LTBP1: variants seen among roughly 807,000 people sequenced by gnomAD.
LTBP1 encodes latent-transforming growth factor beta-binding protein 1.
LTBP1 carries 129 observed loss-of-function variants against 207.6 expected under a neutral mutation model. That is an observed-to-expected ratio of 0.62 (90% CI 0.54 to 0.72). The LOEUF is 0.72. Ranked by LOEUF, LTBP1 falls within the 30% of genes least tolerant of loss-of-function variation. LTBP1 has a pLI of 0.00. For synonymous variants in LTBP1, 963 were observed against 833.7 expected, an observed-to-expected ratio of 1.16 and a Z score of -2.67; for missense variants, 2,281 against 2,217.2, an observed-to-expected ratio of 1.03 and a Z score of -0.58.
intron 2 of LTBP1, among the ~76,000 whole-genome samples, chr2:32,967,584 T>C (rs986383285): frequency 1.3e-5 from 2 of 152,224 alleles, no homozygotes; most frequent in Non-Finnish European, 2.9e-5. Flanking sequence ...ACCTATGCTT[T>C]GTTTAGAATT....
chr2:33,103,471 A>G (rs1346158664), intron 3 of LTBP1, among the ~76,000 whole-genome samples: 1 of 152,118 alleles, frequency 6.6e-6, no homozygotes, highest in African/African-American at 2.4e-5. Context: ...CATTGTCTGC[A>G]TGTGCTTCCC....
intron 21 of LTBP1, 37 bp downstream of exon 21, chr2:33,300,610 C>T: frequency 6.3e-7 from 1 of 1,590,496 alleles, no homozygotes; most frequent in Non-Finnish European, 8.6e-7. Flanking sequence ...GAAACTTCAG[C>T]TTAAAGCACC....
At chr2:33,189,172 T>C (rs2087553448) in intron 7 of LTBP1, among the ~76,000 whole-genome samples, 2 of 142,948 alleles carry the variant, frequency 1.4e-5, no homozygotes, top group Admixed American at 7.3e-5. Context: ...ACAGAATACA[T>C]TTATTTATTT....
At chr2:32,947,875 G>C in intron 1 of LTBP1, 57 bp downstream of exon 1, 2 of 1,260,832 alleles carry the variant, frequency 1.6e-6, no homozygotes, top group African/African-American at 3.1e-5. Context: ...GCCCGCGGAG[G>C]GACCTGCGGG....
At chr2:33,293,995 C>CTTTTTTTTTTTTTTT (rs71409607) in intron 20 of LTBP1, among the ~76,000 whole-genome samples, 1 of 48,808 alleles carries the variant, frequency 2.0e-5, no homozygotes, top group African/African-American at 8.7e-5. Context: ...TGGTACAGGT[C>CTTTTTTTTTTTTTTT]TTTTTTTTTT....
At chr2:33,165,120 G>C (rs1390053120) in intron 5 of LTBP1, among the ~76,000 whole-genome samples, 1 of 152,160 alleles carries the variant, frequency 6.6e-6, no homozygotes, top group African/African-American at 2.4e-5. Flanking sequence ...TAAATGGAGA[G>C]TCATAGAAAA....
At chr2:33,240,841 G>T (rs568594535) in intron 9 of LTBP1, among the ~76,000 whole-genome samples, 15 of 151,718 alleles carry the variant, frequency 9.9e-5, no homozygotes, top group African/African-American at 3.4e-4. Context: ...TAGTAGAGAC[G>T]GGGTTTCACT....
intron 2 of LTBP1, among the ~76,000 whole-genome samples, chr2:32,985,394 A>C (rs1311348123): frequency 6.6e-6 from 1 of 152,162 alleles, no homozygotes; most frequent in Non-Finnish European, 1.5e-5. Context: ...GAGGAAACTG[A>C]GGTTTAGAGA....
chr2:33,175,463 C>T (rs1046972693), intron 5 of LTBP1, among the ~76,000 whole-genome samples: 1 of 152,082 alleles, frequency 6.6e-6, no homozygotes, highest in East Asian at 1.9e-4. Context: ...GATACCATCT[C>T]ACACCAGTTA....
chr2:33,303,106 T>C (rs1007690304), intron 22 of LTBP1, among the ~76,000 whole-genome samples: 3 of 151,988 alleles, frequency 2.0e-5, no homozygotes, highest in Admixed American at 6.6e-5. Context: ...TATGGGTAAA[T>C]GATAATGATT....
intron 3 of LTBP1, among the ~76,000 whole-genome samples, chr2:33,060,392 T>C (rs1483996404): frequency 6.6e-6 from 1 of 152,154 alleles, no homozygotes; most frequent in Non-Finnish European, 1.5e-5. Flanking sequence ...GCATTCAAGG[T>C]AAGTTTCTTT....
chr2:33,073,545 C>T (rs993490628), intron 3 of LTBP1, among the ~76,000 whole-genome samples: 10 of 152,052 alleles, frequency 6.6e-5, no homozygotes, highest in African/African-American at 1.9e-4. Flanking sequence ...CTTTCTTCTT[C>T]CCTTTTTAAC....
intron 4 of LTBP1, among the ~76,000 whole-genome samples, chr2:33,124,193 C>T (rs1055621847): frequency 5.3e-5 from 8 of 152,124 alleles, no homozygotes; most frequent in African/African-American, 1.9e-4. Flanking sequence ...CAGATCACTT[C>T]AGGTCAGGAG....
intron 5 of LTBP1, among the ~76,000 whole-genome samples, chr2:33,182,079 TTTTA>T (rs1301063600): frequency 6.6e-6 from 1 of 152,160 alleles, no homozygotes; most frequent in Non-Finnish European, 1.5e-5. Flanking sequence ...AGAATAGATA[TTTTA>T]TTTATTATTC....
At chr2:33,157,566 C>T (rs540000880) in intron 5 of LTBP1, among the ~76,000 whole-genome samples, 4 of 152,286 alleles carry the variant, frequency 2.6e-5, no homozygotes, top group South Asian at 2.1e-4. Context: ...TTGGTGGCAA[C>T]GCTCAGATGC....
chr2:33,185,932 C>G (rs1242437649), intron 5 of LTBP1, among the ~76,000 whole-genome samples: 2 of 152,148 alleles, frequency 1.3e-5, no homozygotes, highest in African/African-American at 2.4e-5. Context: ...TGCTGGAAAT[C>G]TGTGATGTTT....
chr2:33,352,374 C>A (rs976680315), intron 26 of LTBP1, among the ~76,000 whole-genome samples: 20 of 152,172 alleles, frequency 1.3e-4, no homozygotes, highest in African/African-American at 4.6e-4. Flanking sequence ...TTGTGATCCA[C>A]CTGCCTCGGC....
In LTBP1 at chr2:33,257,372, A is replaced by G. The variant is rs1236750600; in HGVS notation, c.2256A>G (p.Lys752=). 1 of 1,614,184 alleles carries G rather than the reference A, an allele frequency of 6.2e-7. No individual in the cohort carries two copies. Among genetic ancestry groups the G allele is most frequent in the Non-Finnish European group, 8.5e-7 (1 of 1,180,002 alleles). ...RRRPIHHHVG[K]GPVFVKPKNT... ...GGCCAATCCATCACCATGTAGGTAA[A>G]GGACCTGTATTTGTCAAGCCAAAGA... Residue 752 remains lysine, a synonymous_variant, in exon 12 of 34, where the codon AAA becomes AAG. Transcript: ENST00000404816.
intron 26 of LTBP1, among the ~76,000 whole-genome samples, chr2:33,357,636 C>G (rs538951560): frequency 6.6e-6 from 1 of 152,150 alleles, no homozygotes; most frequent in South Asian, 2.1e-4. Context: ...TGTCCAAAAC[C>G]GAACTTTCTT....
Sources: allele counts gnomAD v4.1 joint callset (sites outside exome capture counted in the v4.1 genomes callset), GRCh38; gene constraint gnomAD v4.1.1; transcripts MANE v1.5; gene names NCBI Gene and HGNC (gene_info 2026-07-23, HGNC 2026-07-21).